Variants in PCBD2 observed in about 807,000 individuals in gnomAD.
The protein encoded by PCBD2 is pterin-4-alpha-carbinolamine dehydratase 2.
In PCBD2, 12 loss-of-function variants were observed where a neutral mutation model predicts 16.4. That is an observed-to-expected ratio of 0.73 (90% CI 0.47 to 1.19). PCBD2 has a LOEUF of 1.19. Among genes scored for constraint, PCBD2 ranks in the 50% most tolerant of loss-of-function variants. The pLI is 0.00. For missense variants in PCBD2, 138 were observed against 156.8 expected (o/e 0.88, Z 0.64); for synonymous variants, 58 against 61.8 (o/e 0.94, Z 0.29).
intron 2 of PCBD2, among the ~76,000 whole-genome samples, chr5:134,936,286 A>T (rs1751158016): frequency 6.6e-6 from 1 of 152,074 alleles, no homozygotes; most frequent in Non-Finnish European, 1.5e-5. Flanking sequence ...TAAGAAGGAG[A>T]TGGCTGTGCC....
At chr5:134,945,738 C>T (rs1201656624) in intron 2 of PCBD2, among the ~76,000 whole-genome samples, 1 of 152,050 alleles carries the variant, frequency 6.6e-6, no homozygotes, top group African/African-American at 2.4e-5. Context: ...TGTATGATTC[C>T]AGCAAATTGG....
At chr5:134,935,341 G>T (rs1359016451) in intron 2 of PCBD2, among the ~76,000 whole-genome samples, 1 of 152,120 alleles carries the variant, frequency 6.6e-6, no homozygotes, top group Non-Finnish European at 1.5e-5. Flanking sequence ...AGAAAATTGG[G>T]TACATGCCCT....
intron 2 of PCBD2, among the ~76,000 whole-genome samples, chr5:134,931,641 T>C (rs1052452450): frequency 3.3e-5 from 5 of 152,286 alleles, no homozygotes; most frequent in Middle Eastern, 3.4e-3. Context: ...AGGCCAGATA[T>C]CCCACCCTAA....
chr5:134,927,793 G>A (rs932453691), intron 2 of PCBD2: 19 of 397,094 alleles, frequency 4.8e-5, no homozygotes, highest in Admixed American at 2.7e-4. Context: ...GATAAGTGGC[G>A]TTGGCTTGCC....
At chr5:134,951,529 A>G (rs1003930167) in intron 2 of PCBD2, among the ~76,000 whole-genome samples, 1 of 152,206 alleles carries the variant, frequency 6.6e-6, no homozygotes, top group African/African-American at 2.4e-5. Context: ...TCCTAGAAGT[A>G]TTGTTTGGTC....
chr5:134,914,967 C>T (rs1750810770), intron 2 of PCBD2, among the ~76,000 whole-genome samples: 1 of 152,176 alleles, frequency 6.6e-6, no homozygotes, highest in Non-Finnish European at 1.5e-5. Flanking sequence ...GCCACTGCAC[C>T]CAGTTGACAT....
intron 2 of PCBD2, among the ~76,000 whole-genome samples, chr5:134,911,976 C>A (rs546322507): frequency 6.6e-6 from 1 of 152,272 alleles, no homozygotes; most frequent in South Asian, 2.1e-4. Context: ...TAAACCTGGC[C>A]TAATTTATTG....
At chr5:134,928,522 A>G (rs1751049852) in intron 2 of PCBD2, 2 of 284,490 alleles carry the variant, frequency 7.0e-6, no homozygotes, top group Admixed American at 1.1e-4. Context: ...GCAAGGGTAA[A>G]AGGAGTGAAG....
At chr5:134,935,143 T>C (rs572481282) in intron 2 of PCBD2, among the ~76,000 whole-genome samples, 2 of 152,350 alleles carry the variant, frequency 1.3e-5, no homozygotes, top group African/African-American at 4.8e-5. Flanking sequence ...TCTGCACTGA[T>C]TGGATTCAGG....
rs967896218 is a variant in PCBD2, at chr5:134,962,169, G to C, written c.*1488G>C. On this transcript the variant is annotated 3_prime_UTR_variant, in exon 4 of 4. Transcript: ENST00000254908. The stretch of plus-strand genomic sequence containing the variant: ...TGTAGTGGTGCGACCATGGCTCACT[G>C]TAGTCTTGACTTCTCAGGCTCAAGT... Among the ~76,000 whole-genome samples the C allele has an allele frequency of 6.6e-6, 1 of 151,886 alleles. No homozygotes were observed. The highest frequency in any genetic ancestry group is 2.4e-5 in the African/African-American group (1 of 41,326).
At chr5:134,944,545 A>G (rs924262723) in intron 2 of PCBD2, among the ~76,000 whole-genome samples, 3 of 151,902 alleles carry the variant, frequency 2.0e-5, no homozygotes, top group Middle Eastern at 3.4e-3. Context: ...AAAAAAAAAC[A>G]CAACAACCCA....
intron 2 of PCBD2, among the ~76,000 whole-genome samples, chr5:134,955,126 A>G (rs1751400004): frequency 6.6e-6 from 1 of 151,548 alleles, no homozygotes; most frequent in Non-Finnish European, 1.5e-5. Flanking sequence ...TAACTTTGCT[A>G]CAGTATATAT....
At chr5:134,912,281 A>C (rs1750778726) in intron 2 of PCBD2, among the ~76,000 whole-genome samples, 1 of 152,180 alleles carries the variant, frequency 6.6e-6, no homozygotes, top group Admixed American at 6.5e-5. Flanking sequence ...TTTTCCCACT[A>C]GGCTCCTATG....
chr5:134,947,378 G>A (rs552614006), intron 2 of PCBD2, among the ~76,000 whole-genome samples: 3 of 144,568 alleles, frequency 2.1e-5, no homozygotes, highest in Admixed American at 1.4e-4. Flanking sequence ...CAGCCATCGC[G>A]CCCGGCCTCA....
chr5:134,914,667 C>T (rs1283792781), intron 2 of PCBD2, among the ~76,000 whole-genome samples: 2 of 151,446 alleles, frequency 1.3e-5, no homozygotes, highest in Non-Finnish European at 2.9e-5. Context: ...TGTCATTTGA[C>T]ATCATCTATT....
At chr5:134,955,906 G>C (rs898562930) in intron 2 of PCBD2, among the ~76,000 whole-genome samples, 1 of 152,138 alleles carries the variant, frequency 6.6e-6, no homozygotes, top group African/African-American at 2.4e-5. Context: ...TCAGCTGTTT[G>C]GCATTGTATC....
chr5:134,925,384 A>G (rs1354530322), intron 2 of PCBD2: 15 of 398,282 alleles, frequency 3.8e-5, no homozygotes, highest in Non-Finnish European at 5.3e-5. Flanking sequence ...TAGTCCTCCT[A>G]TTTTTCGAAT....
chr5:134,912,156 C>CTT (rs570815570), intron 2 of PCBD2, among the ~76,000 whole-genome samples: 145 of 151,850 alleles, frequency 9.5e-4, no homozygotes, highest in African/African-American at 3.3e-3. Context: ...ATTAAGTAGA[C>CTT]TTTTTTTTTC....
At chr5:134,953,405 A>G (rs1029921272) in intron 2 of PCBD2, among the ~76,000 whole-genome samples, 1 of 149,402 alleles carries the variant, frequency 6.7e-6, no homozygotes, top group Non-Finnish European at 1.5e-5. Context: ...ACCTATATAT[A>G]GTATTATATA....
Sources: allele counts gnomAD v4.1 joint callset (sites outside exome capture counted in the v4.1 genomes callset), GRCh38; gene constraint gnomAD v4.1.1; transcripts MANE v1.5; gene names NCBI Gene and HGNC (gene_info 2026-07-23, HGNC 2026-07-21).